Variants in MAGI3 observed in about 807,000 individuals in gnomAD.
MAGI3 encodes membrane associated guanylate kinase, WW and PDZ domain containing 3.
Under a neutral mutation model 121.8 loss-of-function variants are expected in MAGI3, and 43 were observed. That is an observed-to-expected ratio of 0.35 (90% CI 0.28 to 0.46). The LOEUF (loss-of-function observed/expected upper bound fraction) is 0.46, where lower values mean the gene tolerates loss of function less well. MAGI3 is among the 20% of genes least tolerant of loss of function. The probability of loss-of-function intolerance (pLI) is 1.00; values close to 1 mark genes in which losing one functional copy is unlikely to be tolerated. For synonymous variants in MAGI3, 553 were observed against 639.3 expected (o/e 0.86, Z 2.04); for missense variants, 1,547 against 1,797.3 (o/e 0.86, Z 2.52).
At chr1:113,672,292 G>A (rs899232888) in intron 17 of MAGI3, among the ~76,000 whole-genome samples, 6 of 152,178 alleles carry the variant, frequency 3.9e-5, no homozygotes, top group Non-Finnish European at 8.8e-5. Context: ...TGGTGCTGCA[G>A]GAGAGCCATT....
chr1:113,469,429 T>G (rs1168422229), intron 1 of MAGI3, among the ~76,000 whole-genome samples: 1 of 152,204 alleles, frequency 6.6e-6, no homozygotes, highest in Admixed American at 6.5e-5. Context: ...CCTCTTTTGC[T>G]TTCCTGGAAT....
At position 113,682,990 on chromosome 1, in the gene MAGI3, AAG is replaced by A. The variant is rs776036309; in HGVS notation, c.3425_3426del (p.Glu1142ValfsTer7). On this transcript the variant is annotated frameshift_variant, in exon 21 of 21. Coordinates refer to ENST00000307546, the MANE Select transcript of MAGI3 (RefSeq NM_001142782.2). LOFTEE classifies it low-confidence loss of function (END_TRUNC). ...TCTTCACATTTTGCTTCCATATTTGAAGAGTCTCACGTGCCAGTAATTGAAGA... is the reference window on the plus strand; with the variant it reads ...TCTTCACATTTTGCTTCCATATTTGAAGTCTCACGTGCCAGTAATTGAAGA... 6.2e-6 allele frequency: 10 copies of A among 1,613,906 alleles called. No homozygotes were observed. Among genetic ancestry groups the A allele is most frequent in the Admixed American group, 1.7e-5 (1 of 59,996 alleles).
intron 9 of MAGI3, among the ~76,000 whole-genome samples, chr1:113,630,997 A>G (rs934465671): frequency 6.6e-5 from 10 of 152,172 alleles, no homozygotes; most frequent in African/African-American, 2.2e-4. Flanking sequence ...TCAGTCTCCA[A>G]TCACTGGAAT....
At chr1:113,476,605 G>C (rs1037705510) in intron 1 of MAGI3, among the ~76,000 whole-genome samples, 3 of 152,138 alleles carry the variant, frequency 2.0e-5, no homozygotes, top group African/African-American at 7.2e-5. Context: ...TGTGATTTCT[G>C]TTCTTTTACA....
chr1:113,675,288 T>C (rs1383727483), intron 19 of MAGI3, among the ~76,000 whole-genome samples: 1 of 152,116 alleles, frequency 6.6e-6, no homozygotes, highest in African/African-American at 2.4e-5. Context: ...AAGAGATGCA[T>C]ATAAGTTCAA....
At chr1:113,430,144 T>G (rs12130763) in intron 1 of MAGI3, among the ~76,000 whole-genome samples, 10,029 of 152,282 alleles carry the variant, frequency 0.066, 346 homozygotes, top group Non-Finnish European at 0.074. Flanking sequence ...GGAAAAAAAG[T>G]GAATAAATAC....
intron 20 of MAGI3, 41 bp downstream of exon 20, chr1:113,681,377 TA>T (rs1217861389): frequency 6.3e-7 from 1 of 1,595,092 alleles, no homozygotes; most frequent in Non-Finnish European, 8.5e-7. Flanking sequence ...AGTTGTATAT[TA>T]GGGAGGGGAC....
At chr1:113,591,270 A>G (rs752363233) in intron 5 of MAGI3, among the ~76,000 whole-genome samples, 1 of 152,146 alleles carries the variant, frequency 6.6e-6, no homozygotes, top group Non-Finnish European at 1.5e-5. Flanking sequence ...AGAGAATAAT[A>G]TTATGCAAAT....
intron 1 of MAGI3, among the ~76,000 whole-genome samples, chr1:113,468,337 T>C (rs1655387590): frequency 6.6e-6 from 1 of 152,228 alleles, no homozygotes; most frequent in African/African-American, 2.4e-5. Flanking sequence ...TTTAATTCAT[T>C]GCTTTTTATT....
chr1:113,454,400 A>G (rs1375859125), intron 1 of MAGI3, among the ~76,000 whole-genome samples: 2 of 152,154 alleles, frequency 1.3e-5, no homozygotes, highest in Non-Finnish European at 2.9e-5. Context: ...AATTTCACTT[A>G]GTAGCTGTGT....
At chr1:113,535,048 C>T (rs1258844181) in intron 1 of MAGI3, among the ~76,000 whole-genome samples, 1 of 152,090 alleles carries the variant, frequency 6.6e-6, no homozygotes, top group Non-Finnish European at 1.5e-5. Context: ...TTAAGTCAAC[C>T]AGGACTGACT....
chr1:113,464,178 G>T (rs1183767404), intron 1 of MAGI3, among the ~76,000 whole-genome samples: 1 of 151,786 alleles, frequency 6.6e-6, no homozygotes, highest in Non-Finnish European at 1.5e-5. Flanking sequence ...CCTGGCCTCT[G>T]TTAACCACCA....
At chr1:113,450,217 T>G in intron 1 of MAGI3, 2 of 1,587,102 alleles carry the variant, frequency 1.3e-6, no homozygotes. Context: ...TGGGCATAAT[T>G]GTGAAGTGAA....
intron 1 of MAGI3, among the ~76,000 whole-genome samples, chr1:113,514,079 C>T (rs1439600388): frequency 1.3e-5 from 2 of 151,998 alleles, no homozygotes; most frequent in Non-Finnish European, 1.5e-5. Flanking sequence ...AATGAGATAC[C>T]ATCTCACACC....
chr1:113,597,093 A>AGATAAATCAAATGTGCT lies in MAGI3; in HGVS notation c.1018+2534_1018+2550dup, dbSNP rs1288439388. Among the ~76,000 whole-genome samples the AGATAAATCAAATGTGCT allele has an allele frequency of 3.9e-5, 6 of 152,358 alleles. No individual in the cohort carries two copies. The East Asian group carries it at 1.2e-3, about 29-fold the overall frequency. On this transcript the variant is annotated intron_variant, in intron 6 of 20. Transcript: ENST00000307546. ...CCCAACTGTCCATTAACCAATGAGC[A>AGATAAATCAAATGTGCT]GATAAATCAAATGTGCTATAACCTA... is the stretch of plus-strand genomic sequence containing the variant.
chr1:113,444,655 G>A (rs550684152), intron 1 of MAGI3, among the ~76,000 whole-genome samples: 1 of 152,268 alleles, frequency 6.6e-6, no homozygotes, highest in Non-Finnish European at 1.5e-5. Context: ...GATTTCCAGA[G>A]TAACCATATT....
intron 1 of MAGI3, among the ~76,000 whole-genome samples, chr1:113,480,288 G>T (rs1318119593): frequency 6.6e-6 from 1 of 152,160 alleles, no homozygotes. Context: ...ACAGATTCTG[G>T]TTAGGCCATT....
intron 1 of MAGI3, among the ~76,000 whole-genome samples, chr1:113,436,221 A>G (rs1394376007): frequency 6.6e-6 from 1 of 152,166 alleles, no homozygotes; most frequent in Non-Finnish European, 1.5e-5. Context: ...ATTAATTTAC[A>G]ATTAATCTCT....
At chr1:113,482,526 G>A (rs981002822) in intron 1 of MAGI3, among the ~76,000 whole-genome samples, 3 of 151,530 alleles carry the variant, frequency 2.0e-5, no homozygotes, top group African/African-American at 4.9e-5. Context: ...TCATAGAGGC[G>A]AGGTCTCACT....
Sources: gnomAD v4.1 joint callset for allele counts (sites outside exome capture counted in the v4.1 genomes callset) on GRCh38, gnomAD v4.1.1 for gene constraint, MANE v1.5 for transcripts, NCBI Gene and HGNC (gene_info 2026-07-23, HGNC 2026-07-21) for gene names.